Variants in NBEA observed in about 807,000 individuals in gnomAD.
The protein encoded by NBEA is lysosomal-trafficking regulator 2.
NBEA carries 44 observed loss-of-function variants against 343.4 expected under a neutral mutation model. The observed-to-expected ratio is 0.13, with a 90% CI of 0.10 to 0.16. The LOEUF (loss-of-function observed/expected upper bound fraction) is 0.16. Ranked by LOEUF, NBEA falls within the 10% of genes least tolerant of loss-of-function variation. The pLI is 1.00. For missense variants in NBEA, 2,555 were observed against 3,631.3 expected, an observed-to-expected ratio of 0.70 and a Z score of 7.62; for synonymous variants, 1,175 against 1,238.7, an observed-to-expected ratio of 0.95 and a Z score of 1.08.
intron 33 of NBEA, among the ~76,000 whole-genome samples, chr13:35,229,693 C>G (rs945307634): frequency 6.6e-6 from 1 of 151,984 alleles, no homozygotes; most frequent in Admixed American, 6.6e-5. Context: ...GACAATATAG[C>G]CACAATATGT....
chr13:35,373,601 A>G (rs931322280), intron 38 of NBEA, among the ~76,000 whole-genome samples: 2 of 151,952 alleles, frequency 1.3e-5, no homozygotes, highest in Admixed American at 1.3e-4. Flanking sequence ...GCTATTCAGG[A>G]GGCTGAGGTG....
intron 41 of NBEA, among the ~76,000 whole-genome samples, chr13:35,502,109 C>T (rs1383595528): frequency 6.6e-6 from 1 of 152,090 alleles, no homozygotes; most frequent in Non-Finnish European, 1.5e-5. Context: ...ACAGAAATCA[C>T]AGGAAACAAT....
In NBEA at chr13:35,195,987, G is replaced by A. The variant is rs1387173408; in HGVS notation, c.5051G>A (p.Ser1684Asn). ...GGAATTGGAGAGGAGCAAGTGGCTAGCATCCTGAATGGGGCAGAATTAGAA... is the reference window on the plus strand; with the variant it reads ...GGAATTGGAGAGGAGCAAGTGGCTAACATCCTGAATGGGGCAGAATTAGAA... ...DSGIGEEQVA[S>N]ILNGAELETS... The change falls in exon 31 of 59, where the codon AGC becomes AAC. Residue 1684 changes from serine to asparagine, a missense_variant. Transcript: ENST00000379939. 2 of 1,613,622 alleles carry A rather than the reference G, an allele frequency of 1.2e-6. No individual in the cohort carries two copies. The highest frequency in any genetic ancestry group is 2.2e-5 in the South Asian group (2 of 91,082).
At chr13:35,137,343 G>A (rs1329162595) in intron 17 of NBEA, among the ~76,000 whole-genome samples, 1 of 151,832 alleles carries the variant, frequency 6.6e-6, no homozygotes, top group African/African-American at 2.4e-5. Context: ...CCAGCTACTG[G>A]GGAGACTGAG....
At chr13:35,593,515 G>T in intron 47 of NBEA, 68 bp downstream of exon 47, 1 of 1,312,278 alleles carries the variant, frequency 7.6e-7, no homozygotes, top group South Asian at 1.4e-5. Context: ...TTTTTTAAGT[G>T]GGTATGTATA....
chr13:34,956,903 G>A (rs563653779), intron 1 of NBEA, among the ~76,000 whole-genome samples: 7 of 151,850 alleles, frequency 4.6e-5, no homozygotes, highest in African/African-American at 1.4e-4. Flanking sequence ...CGCCCACCTC[G>A]GCCTCCCAAA....
intron 20 of NBEA, 27 bp downstream of exon 20, chr13:35,156,233 A>T (rs1031069647): frequency 6.6e-7 from 1 of 1,510,334 alleles, no homozygotes; most frequent in Middle Eastern, 1.8e-4. Flanking sequence ...CTGTAACAAC[A>T]CTTTATTCCA....
chr13:35,477,484 A>G (rs187273575), intron 41 of NBEA, among the ~76,000 whole-genome samples: 174 of 152,340 alleles, frequency 1.1e-3, no homozygotes, highest in Non-Finnish European at 2.0e-3. Flanking sequence ...ACTTATAGAA[A>G]CATTTGAAAA....
At chr13:35,191,751 G>A (rs1013582916) in intron 30 of NBEA, among the ~76,000 whole-genome samples, 2 of 151,900 alleles carry the variant, frequency 1.3e-5, no homozygotes, top group South Asian at 4.1e-4. Context: ...AATTTTTAGT[G>A]CTATACTAAC....
chr13:35,045,061 G>A lies in NBEA; in HGVS notation c.627+14G>A, dbSNP rs767030336. ...AGTGGAATCTGGGTAAGCTGTGGTC[G>A]GAGGGAAAGGTATTCAGTATCAGTC... On this transcript the variant is annotated intron_variant, in intron 3 of 58. Coordinates refer to ENST00000379939, the MANE Select transcript of NBEA (RefSeq NM_001385012.1). 2.1e-5 allele frequency: 33 copies of A among 1,588,082 alleles called. No individual in the cohort carries two copies. The highest frequency in any genetic ancestry group is 4.5e-5 in the East Asian group (2 of 44,266).
At chr13:35,276,675 T>G (rs1183880889) in intron 34 of NBEA, among the ~76,000 whole-genome samples, 1 of 152,154 alleles carries the variant, frequency 6.6e-6, no homozygotes, top group Non-Finnish European at 1.5e-5. Context: ...AATTGGGAAA[T>G]TTTTAAAAAG....
chr13:35,139,573 C>G (rs746448488), intron 17 of NBEA, among the ~76,000 whole-genome samples: 7 of 151,940 alleles, frequency 4.6e-5, no homozygotes, highest in Non-Finnish European at 1.0e-4. Context: ...AAACTGAGGT[C>G]TCTAGATCTT....
At chr13:35,267,711 G>A (rs534686153) in intron 34 of NBEA, among the ~76,000 whole-genome samples, 1 of 150,802 alleles carries the variant, frequency 6.6e-6, no homozygotes, top group African/African-American at 2.4e-5. Context: ...TTTCAAAAAA[G>A]TACATACAAA....
At chr13:34,958,721 G>A (rs58077542) in intron 1 of NBEA, among the ~76,000 whole-genome samples, 2 of 152,130 alleles carry the variant, frequency 1.3e-5, no homozygotes, top group African/African-American at 4.8e-5. Flanking sequence ...GAAGGGATGA[G>A]AGTAAGTAAA....
chr13:35,123,718 A>C (rs1467853565), intron 17 of NBEA, 144 bp downstream of exon 17: 16 of 396,990 alleles, frequency 4.0e-5, no homozygotes, highest in Non-Finnish European at 2.7e-5. Flanking sequence ...AAATTGTAAA[A>C]ATGTTTTATA....
intron 38 of NBEA, among the ~76,000 whole-genome samples, chr13:35,372,255 C>T (rs565784131): frequency 3.9e-5 from 6 of 152,208 alleles, no homozygotes; most frequent in East Asian, 1.9e-4. Context: ...CTAGCATTGG[C>T]GGTGGCTGTG....
intron 48 of NBEA, among the ~76,000 whole-genome samples, chr13:35,626,024 A>G (rs902295858): frequency 6.6e-6 from 1 of 152,180 alleles, no homozygotes; most frequent in Non-Finnish European, 1.5e-5. Context: ...GGCTTGTGTC[A>G]TGGGGATTAG....
intron 55 of NBEA, among the ~76,000 whole-genome samples, chr13:35,662,820 C>T (rs2085165027): frequency 6.6e-6 from 1 of 151,374 alleles, no homozygotes; most frequent in African/African-American, 2.4e-5. Flanking sequence ...TTTATTTTTT[C>T]TATAGCATAT....
chr13:35,560,628 G>T (rs2079815819), intron 44 of NBEA, among the ~76,000 whole-genome samples: 1 of 152,180 alleles, frequency 6.6e-6, no homozygotes. Flanking sequence ...CAGTGCAGTT[G>T]TGACAAAGGC....
Sources: gnomAD v4.1 joint callset for allele counts (sites outside exome capture counted in the v4.1 genomes callset) on GRCh38, gnomAD v4.1.1 for gene constraint, MANE v1.5 for transcripts, NCBI Gene and HGNC (gene_info 2026-07-23, HGNC 2026-07-21) for gene names.